SRGAP2: variants seen among roughly 807,000 people sequenced by gnomAD.
The protein encoded by SRGAP2 is SLIT-ROBO Rho GTPase-activating protein 2.
Under a neutral mutation model 57.2 loss-of-function variants are expected in SRGAP2, and 15 were observed. That is an observed-to-expected ratio of 0.26 (90% CI 0.18 to 0.40). SRGAP2 has a LOEUF of 0.40. Among genes scored for constraint, SRGAP2 ranks in the 10% least tolerant of loss-of-function variants. SRGAP2 has a pLI of 1.00. For synonymous variants in SRGAP2, 249 were observed against 248.0 expected (o/e 1.00, Z -0.04); for missense variants, 520 against 669.6 (o/e 0.78, Z 2.47).
intron 4 of SRGAP2, among the ~76,000 whole-genome samples, chr1:206,378,299 A>C (rs1399179944): frequency 6.6e-6 from 1 of 152,132 alleles, no homozygotes; most frequent in Non-Finnish European, 1.5e-5. Context: ...GAGCAAACTC[A>C]GTGAGATCCC....
In SRGAP2 at chr1:206,454,898, G is replaced by A. The variant is rs1457259064; in HGVS notation, c.2381G>A (p.Arg794Lys). Residue 794 changes from arginine (R) to lysine (K), a missense_variant, in exon 21 of 23, where the codon AGG (arginine) becomes AAG (lysine). By Grantham distance (26) the Arg-to-Lys change is conservative. This residue lies in a region of SRGAP2 where 478 missense variants were observed against 373.6 expected (regional missense o/e 1.28). Transcript: ENST00000573034. This position sits in a 1 kb window ranked among gnomAD's most constrained non-coding sequence, Gnocchi z 4.3. ...VQDTEDGVVE[R>K]SSPKSEIEVI... ...CCCAGCGAGGACGGTGTCGTGGAGA[G>A]GTCCAGCCCCAAGTCTGAGATTGAG... 1.3e-6 allele frequency: 1 copy of A among 777,550 alleles called. No homozygotes were observed. The highest frequency in any genetic ancestry group is 2.4e-6 in the Non-Finnish European group (1 of 416,026). The allele number at this position is 777,550 out of a possible 1,614,324, so 48.2% of individuals were successfully genotyped here.
At chr1:206,424,776 C>T (rs6664834) in intron 13 of SRGAP2, among the ~76,000 whole-genome samples, 30,722 of 152,250 alleles carry the variant, frequency 0.2, 4,000 homozygotes, top group East Asian at 0.61. Flanking sequence ...TTAATTTACT[C>T]ATTGCTCAGA....
chr1:206,412,757 T>A (rs531323367), intron 10 of SRGAP2, among the ~76,000 whole-genome samples: 1 of 152,310 alleles, frequency 6.6e-6, no homozygotes, highest in East Asian at 1.9e-4. Flanking sequence ...CTAACTCACT[T>A]CCACCAATTA....
intron 3 of SRGAP2, among the ~76,000 whole-genome samples, chr1:206,313,203 G>C (rs1188071368): frequency 1.5e-5 from 2 of 137,866 alleles, no homozygotes; most frequent in Non-Finnish European, 3.1e-5. Context: ...ACACATATTT[G>C]TTGACTATTT....
chr1:206,321,727 A>G (rs1277699363), intron 3 of SRGAP2, among the ~76,000 whole-genome samples: 1 of 143,678 alleles, frequency 7.0e-6, no homozygotes, highest in East Asian at 2.1e-4. Flanking sequence ...CTTTATTTTA[A>G]TGTTCATATT....
chr1:206,295,925 G>A (rs1671565862), intron 2 of SRGAP2, among the ~76,000 whole-genome samples: 1 of 151,086 alleles, frequency 6.6e-6, no homozygotes, highest in Non-Finnish European at 1.5e-5. Context: ...TTTTTGAGAT[G>A]AGGTCTTGCT....
intron 13 of SRGAP2, among the ~76,000 whole-genome samples, chr1:206,427,415 G>A (rs973023209): frequency 6.6e-6 from 1 of 152,132 alleles, no homozygotes; most frequent in African/African-American, 2.4e-5. Context: ...GAAGCAGATG[G>A]GTTTGGGGGT....
intron 22 of SRGAP2, among the ~76,000 whole-genome samples, chr1:206,460,289 G>A (rs531376597): frequency 2.0e-5 from 3 of 152,290 alleles, no homozygotes; most frequent in African/African-American, 7.2e-5. Flanking sequence ...GCATACAAAG[G>A]TTCTTTGGTT....
At chr1:206,289,422 G>A (rs1372000545) in intron 2 of SRGAP2, among the ~76,000 whole-genome samples, 85 of 150,434 alleles carry the variant, frequency 5.7e-4, no homozygotes, top group African/African-American at 1.8e-3. Flanking sequence ...ACAGGCGCCC[G>A]CCACCACGCC....
At chr1:206,257,717 G>A (rs1558258024) in intron 2 of SRGAP2, among the ~76,000 whole-genome samples, 2 of 117,954 alleles carry the variant, frequency 1.7e-5, no homozygotes, top group Non-Finnish European at 1.8e-5. Context: ...AGAGTAGTGT[G>A]GTGGTAGGAA....
intron 14 of SRGAP2, among the ~76,000 whole-genome samples, chr1:206,432,141 C>G (rs1553368497): frequency 6.6e-6 from 1 of 152,154 alleles, no homozygotes; most frequent in Non-Finnish European, 1.5e-5. Flanking sequence ...CTGCAGTAGC[C>G]TGAGGAAGAC....
At chr1:206,428,281 G>A (rs1413292204) in intron 13 of SRGAP2, among the ~76,000 whole-genome samples, 1 of 151,786 alleles carries the variant, frequency 6.6e-6, no homozygotes, top group African/African-American at 2.4e-5. Flanking sequence ...GCTGGGCATA[G>A]TGGCAGGTGC....
At chr1:206,418,593 C>T (rs2103232251) in intron 11 of SRGAP2, among the ~76,000 whole-genome samples, 1 of 152,284 alleles carries the variant, frequency 6.6e-6, no homozygotes, top group South Asian at 2.1e-4. Flanking sequence ...TACATCATTT[C>T]CCATGTAGAC....
rs782145300 is a variant in SRGAP2 at position 206,458,816 on chromosome 1, C to G, written c.2701C>G (p.Leu901Val). ...GTGTTCCATCAGTGGGCACGGGAGC[C>G]TCAACTCCATCAGCCGCCACTCATC... ...DKCSISGHGS[L>V]NSISRHSSLK... The change falls in exon 22 of 23, where the codon CTC becomes GTC. Residue 901 changes from leucine to valine, a missense_variant. Leu to Val is a conservative substitution (Grantham distance 32, BLOSUM62 1). Transcript: ENST00000573034. 1.3e-6 allele frequency: 1 copy of G among 780,750 alleles called. No homozygotes were observed. Among genetic ancestry groups the G allele is most frequent in the Non-Finnish European group, 2.4e-6 (1 of 417,936 alleles). The allele number at this position is 780,750 out of a possible 1,614,324, so 48.4% of individuals were successfully genotyped here.
chr1:206,289,439 CTTTTTTTGTA>C (rs1428582426), intron 2 of SRGAP2, among the ~76,000 whole-genome samples: 1,520 of 150,848 alleles, frequency 0.01, 9 homozygotes, highest in Non-Finnish European at 0.018. Context: ...CGCCCAGCTA[CTTTTTTTGTA>C]TTTTTTTTTA....
intron 2 of SRGAP2, among the ~76,000 whole-genome samples, chr1:206,229,042 G>A (rs1480443246): frequency 1.3e-5 from 2 of 151,240 alleles, no homozygotes; most frequent in South Asian, 2.1e-4. Flanking sequence ...CTCAAGTTTC[G>A]TCCTGTCCTC....
rs575038495 is a variant in SRGAP2 at position 206,457,779 on chromosome 1, C to T, written c.2508-844C>T. Among the ~76,000 whole-genome samples, 183 of 152,336 alleles carry T rather than the reference C, an allele frequency of 1.2e-3. 1 individual carries two copies. The highest frequency in any genetic ancestry group is 4.2e-3 in the African/African-American group (176 of 41,576). On this transcript the variant is annotated intron_variant, in intron 21 of 22. Transcript: ENST00000573034. ...CCCTTCCCTCCTTCCACCTCAACTC[C>T]TGCCTCAGCCCCCATCTCTCTTAGA...
At chr1:206,450,983 G>A (rs1466459134) in intron 19 of SRGAP2, among the ~76,000 whole-genome samples, 1 of 151,566 alleles carries the variant, frequency 6.6e-6, no homozygotes, top group African/African-American at 2.4e-5. Flanking sequence ...ATGGTGGTGT[G>A]CAGCATCCCT....
At chr1:206,341,964 C>T (rs1675226946) in intron 3 of SRGAP2, among the ~76,000 whole-genome samples, 1 of 152,074 alleles carries the variant, frequency 6.6e-6, no homozygotes, top group Non-Finnish European at 1.5e-5. Flanking sequence ...TGCCACTGTA[C>T]TCCAGCCTGG....
Sources: gnomAD v4.1 joint callset for allele counts (sites outside exome capture counted in the v4.1 genomes callset) on GRCh38, gnomAD v4.1.1 for gene constraint, gnomAD v4.1.1 regional missense constraint, Gnocchi (gnomAD v3.1) non-coding constraint, MANE v1.5 for transcripts, NCBI Gene and HGNC (gene_info 2026-07-23, HGNC 2026-07-21) for gene names.